ITM2A: variants seen among roughly 807,000 people sequenced by gnomAD.
ITM2A encodes the protein BRICHOS domain containing 2A.
Under a neutral mutation model 16.6 loss-of-function variants are expected in ITM2A, and 11 were observed. The observed-to-expected ratio is 0.66, with a 90% confidence interval of 0.42 to 1.10. The LOEUF (loss-of-function observed/expected upper bound fraction) is 1.10. Among genes scored for constraint, ITM2A ranks in the 50% least tolerant of loss-of-function variants. ITM2A has a pLI of 0.00. For missense variants in ITM2A, 243 were observed against 206.8 expected, an observed-to-expected ratio of 1.17 and a Z score of -1.07; for synonymous variants, 102 against 71.2, an observed-to-expected ratio of 1.43 and a Z score of -2.18.
Position 79,361,063 on chromosome X carries a change from A to C in ITM2A, c.*26T>G, listed in dbSNP as rs1300347466. On this transcript the variant is annotated 3_prime_UTR_variant, in exon 6 of 6. Coordinates refer to ENST00000373298, the MANE Select transcript of ITM2A (RefSeq NM_004867.5). Reference sequence around the variant, plus strand: ...TATTGTAAATCTCTGACTTCTTATTACCAAGGACACTCTATCTGTTGCCTC... The same window carrying C: ...TATTGTAAATCTCTGACTTCTTATTCCCAAGGACACTCTATCTGTTGCCTC... 1 of 960,867 alleles carries C rather than the reference A, an allele frequency of 1.0e-6. No homozygotes were observed. The highest frequency in any genetic ancestry group is 1.5e-6 in the Non-Finnish European group (1 of 676,072). The allele number at this position is 960,867 out of a possible 1,213,427, so 79.2% of individuals were successfully genotyped here.
rs200001169 is a variant in ITM2A at position 79,361,125 on chromosome X, G to A, written c.756C>T (p.Asn252=). The change falls in exon 6 of 6, where the codon AAC becomes AAT. Residue 252 remains asparagine, a synonymous_variant. Coordinates refer to ENST00000373298, the MANE Select transcript of ITM2A (RefSeq NM_004867.5). ...DKCWKIRHFP[N]EFIVETKICQ... is the part of the protein sequence containing the mutation. ...AGATCTTGGTCTCAACAATAAATTC[G>A]TTGGGGAAGTGTCTAATCTTCCAGC... 91 of 1,200,796 alleles carry A rather than the reference G, an allele frequency of 7.6e-5. No individual in the cohort carries two copies. The East Asian group carries it at 1.1e-3, about 14-fold the overall frequency.
At chrX:79,365,315 C>T (rs1243890076) in intron 1 of ITM2A, among the ~76,000 whole-genome samples, 1 of 111,232 alleles carries the variant, frequency 9.0e-6, no homozygotes, top group Non-Finnish European at 1.9e-5. Flanking sequence ...TTTTCATTTA[C>T]ATTTATTGGA....
rs904307553 is a variant in ITM2A, at chrX:79,361,622, T to C, written c.553-143A>G. 3.4e-5 allele frequency: 17 copies of C among 500,948 alleles called. No individual in the cohort carries two copies. The East Asian group carries it at 6.3e-4, about 19-fold the overall frequency. 41.3% of individuals were successfully genotyped at this position (500,948 alleles called of 1,213,427 possible). On this transcript the variant is annotated intron_variant, in intron 4 of 5. Transcript: ENST00000373298. Reference sequence around the variant, plus strand: ...AGAGATTATTTAATCACCCAGGTATTAAGCCTAGTACCTACTGGTTATTTT... The same window carrying C: ...AGAGATTATTTAATCACCCAGGTATCAAGCCTAGTACCTACTGGTTATTTT...
chrX:79,366,834 C>T (rs1382978210), intron 1 of ITM2A: 1 of 299,325 alleles, frequency 3.3e-6, no homozygotes, highest in Non-Finnish European at 5.8e-6. Context: ...AGTCCCAGGG[C>T]ATCTCCTCAA....
Position 79,361,495 on chromosome X carries a change from A to T in ITM2A, c.553-16T>A. 8.4e-7 allele frequency: 1 copy of T among 1,183,859 alleles called. No individual in the cohort carries two copies. The highest frequency in any genetic ancestry group is 1.8e-5 in the African/African-American group (1 of 56,888). Reference sequence around the variant, plus strand: ...ATCTGCCACTCTAAAAATCAAAAGCAAAGATTGAAATGAGAAATTCTTTTT... The same window carrying T: ...ATCTGCCACTCTAAAAATCAAAAGCTAAGATTGAAATGAGAAATTCTTTTT... On this transcript the variant is annotated splice_polypyrimidine_tract_variant and intron_variant, in intron 4 of 5. Transcript: ENST00000373298.
At chrX:79,362,917 A>G (rs1359048134) in intron 3 of ITM2A, 25 bp downstream of exon 3, 3 of 1,131,362 alleles carry the variant, frequency 2.7e-6, no homozygotes, top group Non-Finnish European at 3.6e-6. Flanking sequence ...AAATCCTGGA[A>G]TATTTATAAG....
chrX:79,363,697 T>A lies in ITM2A; in HGVS notation c.112-143A>T, dbSNP rs1925498278. Reference sequence around the variant, plus strand: ...ATTTTAATTGTAGTCTGAATTTATTTCAAGACAATTTCTGAATCTAATAGA... The same window carrying A: ...ATTTTAATTGTAGTCTGAATTTATTACAAGACAATTTCTGAATCTAATAGA... On this transcript the variant is annotated intron_variant, in intron 1 of 5. Coordinates refer to ENST00000373298, the MANE Select transcript of ITM2A (RefSeq NM_004867.5). 8.6e-6 allele frequency: 3 copies of A among 347,556 alleles called. No individual in the cohort carries two copies. The East Asian group carries it at 1.4e-4, about 16-fold the overall frequency. 28.6% of individuals were successfully genotyped at this position (347,556 alleles called of 1,213,427 possible).
intron 1 of ITM2A, chrX:79,366,891 A>C: frequency 2.5e-6 from 1 of 396,414 alleles, no homozygotes; most frequent in Non-Finnish European, 4.4e-6. Context: ...GCTGGAACAG[A>C]CAGAACATGG....
At chrX:79,366,816 T>C (rs1283203329) in intron 1 of ITM2A, 6 of 259,635 alleles carry the variant, frequency 2.3e-5, no homozygotes, top group Middle Eastern at 1.1e-3. Flanking sequence ...CAAGAGACAA[T>C]GACAAGGAGT....
Position 79,363,425 on chromosome X carries a change from T to A in ITM2A, c.241A>T (p.Lys81Ter). The A allele has an allele frequency of 8.9e-7, 1 of 1,118,953 alleles. No homozygotes were observed. The allele number at this position is 1,118,953 out of a possible 1,213,427, so 92.2% of individuals were successfully genotyped here. Residue 81 changes from lysine (K) to a stop codon, truncating the protein, a stop_gained and splice_region_variant, in exon 2 of 6, where the codon AAG (lysine) becomes TAG (stop). Transcript: ENST00000373298. LOFTEE classifies it high-confidence loss of function. ...GACIYKYFMP[K>*]STIYRGEMCF... ...ATAATTATAATTATTATTATTACCT[T>A]GGGCATGAAGTACTTGTAAATGCAG...
At chrX:79,366,783 TC>T in intron 1 of ITM2A, 1 of 187,047 alleles carries the variant, frequency 5.3e-6, no homozygotes, top group Non-Finnish European at 9.8e-6. Context: ...CCCTCCTTGA[TC>T]CCCAGGTCCC....
At chrX:79,363,860 T>G (rs1449873167) in intron 1 of ITM2A, among the ~76,000 whole-genome samples, 2 of 111,964 alleles carry the variant, frequency 1.8e-5, no homozygotes, top group African/African-American at 6.5e-5. Context: ...TCATATTCTT[T>G]TTTACTGTGC....
chrX:79,361,829 C>T (rs1412014717), intron 4 of ITM2A, among the ~76,000 whole-genome samples: 1 of 96,979 alleles, frequency 1.0e-5, no homozygotes, highest in Admixed American at 1.2e-4. Context: ...ATCCATGTCT[C>T]TGCAAAGGAC....
intron 4 of ITM2A, 55 bp downstream of exon 4, chrX:79,362,526 G>A (rs1925453328): frequency 3.4e-6 from 2 of 588,405 alleles, no homozygotes; most frequent in South Asian, 6.8e-5. Context: ...AAAAAACAAG[G>A]AAGTAAAATT....
chrX:79,366,492 T>C (rs1925578766), intron 1 of ITM2A, among the ~76,000 whole-genome samples: 1 of 110,913 alleles, frequency 9.0e-6, no homozygotes, highest in Admixed American at 9.6e-5. Flanking sequence ...CTTTATCTAA[T>C]GTTTAAAGCC....
chrX:79,362,508 AT>A (rs1286201686), intron 4 of ITM2A, 72 bp downstream of exon 4: 2 of 553,699 alleles, frequency 3.6e-6, no homozygotes, highest in East Asian at 7.0e-5. Flanking sequence ...CAAATTCATT[AT>A]TTTTTTAAAA....
Position 79,362,565 on chromosome X carries a change from C to T in ITM2A, c.552+16G>A, listed in dbSNP as rs371317824. The T allele has an allele frequency of 1.3e-4, 138 of 1,026,589 alleles. No individual in the cohort carries two copies. The highest frequency in any genetic ancestry group is 1.7e-4 in the Non-Finnish European group (130 of 751,962). The allele number at this position is 1,026,589 out of a possible 1,213,427, so 84.6% of individuals were successfully genotyped here. A position where few individuals can be genotyped will look rare whatever the true frequency, so the allele number is the denominator to read the frequency against. On this transcript the variant is annotated intron_variant, in intron 4 of 5. Transcript: ENST00000373298. ...TGGAAATGCTTATATAAAAATTTGACTTCCAAAATACATACCGCCAGTTTG... is the reference window on the plus strand; with the variant it reads ...TGGAAATGCTTATATAAAAATTTGATTTCCAAAATACATACCGCCAGTTTG...
chrX:79,362,692 C>G lies in ITM2A; in HGVS notation c.442-1G>C. ...ACAAGTCCAGGTAAGCAGTCATTCC[C>G]TGTTAGGTAGGGGAAAAAAGTCAGG... On this transcript the variant is annotated splice_acceptor_variant, in intron 3 of 5. Coordinates refer to ENST00000373298, the MANE Select transcript of ITM2A (RefSeq NM_004867.5). LOFTEE classifies it high-confidence loss of function. 1 of 1,171,260 alleles carries G rather than the reference C, an allele frequency of 8.5e-7. No individual in the cohort carries two copies. Among genetic ancestry groups the G allele is most frequent in the Non-Finnish European group, 1.2e-6 (1 of 863,714 alleles).
rs1423403546 is a variant in ITM2A, at chrX:79,367,196, T to C, written c.20A>G (p.Asn7Ser). The stretch of plus-strand genomic sequence containing the variant: ...CTCCTTTTGCACGGCGGTAGGGGTA[T>C]TGAAGGCGATTTTCACCATAGTGAA... MVKIAF[N>S]TPTAVQKEEA... Residue 7 changes from asparagine to serine, a missense_variant, in exon 1 of 6, where the codon AAT becomes AGT. By Grantham distance (46) the Asn-to-Ser change is conservative. Transcript: ENST00000373298. 3 of 1,204,366 alleles carry C rather than the reference T, an allele frequency of 2.5e-6. No individual in the cohort carries two copies. The highest frequency in any genetic ancestry group is 1.8e-5 in the South Asian group (1 of 56,199).
Sources: allele counts gnomAD v4.1 joint callset (sites outside exome capture counted in the v4.1 genomes callset), GRCh38; gene constraint gnomAD v4.1.1; transcripts MANE v1.5; gene names NCBI Gene and HGNC (gene_info 2026-07-23, HGNC 2026-07-21).